Variants in PLEKHA7 observed in about 807,000 individuals in gnomAD.
PLEKHA7 encodes the protein pleckstrin homology domain-containing family A member 7.
In PLEKHA7, 104 loss-of-function variants were observed where a neutral mutation model predicts 170.0. That is an observed-to-expected ratio of 0.61 (90% CI 0.52 to 0.72). The LOEUF (loss-of-function observed/expected upper bound fraction) is 0.72. Ranked by LOEUF, PLEKHA7 falls within the 30% of genes least tolerant of loss-of-function variation. The pLI, the probability that PLEKHA7 is intolerant of heterozygous loss-of-function variation, is 0.00. For synonymous variants in PLEKHA7, 648 were observed against 660.8 expected (o/e 0.98, Z 0.30); for missense variants, 1,615 against 1,671.7 (o/e 0.97, Z 0.59).
At chr11:16,860,035 G>C (rs953764208) in intron 4 of PLEKHA7, among the ~76,000 whole-genome samples, 9 of 152,218 alleles carry the variant, frequency 5.9e-5, no homozygotes, top group African/African-American at 2.2e-4. Context: ...TTGCTGGAGG[G>C]ATGTGGGCTG....
Position 16,833,981 on chromosome 11 carries a change from T to TTATATATATATATATA in PLEKHA7, c.873-7392_873-7391insTATATATATATATATA, listed in dbSNP as rs10525520. ...GGTGGATCACCTGAGCTCAGGAGTTTTATATATAGATATATGTTTTTTGTT... is the reference window on the plus strand; with the variant it reads ...GGTGGATCACCTGAGCTCAGGAGTTTTATATATATATATATATATATATAGATATATGTTTTTTGTT... On this transcript the variant is annotated intron_variant, in intron 9 of 26. Coordinates refer to ENST00000531066, the MANE Select transcript of PLEKHA7 (RefSeq NM_001329630.2). Among the ~76,000 whole-genome samples, 1,301 of 151,196 alleles carry TTATATATATATATATA rather than the reference T, an allele frequency of 8.6e-3. 8 individuals carry two copies. The highest frequency in any genetic ancestry group is 0.025 in the East Asian group (127 of 5,060).
intron 4 of PLEKHA7, among the ~76,000 whole-genome samples, chr11:16,861,664 A>G (rs1196959905): frequency 6.6e-6 from 1 of 152,166 alleles, no homozygotes; most frequent in African/African-American, 2.4e-5. Context: ...TAAATAAATA[A>G]GTCATCAACA....
intron 10 of PLEKHA7, among the ~76,000 whole-genome samples, chr11:16,818,762 T>C (rs985115716): frequency 1.3e-5 from 2 of 151,722 alleles, no homozygotes; most frequent in African/African-American, 4.8e-5. Flanking sequence ...CTTCAAAAAC[T>C]AACACCAACT....
At chr11:16,796,652 AATTTACTT>A (rs1167724727) in intron 17 of PLEKHA7, among the ~76,000 whole-genome samples, 1 of 152,054 alleles carries the variant, frequency 6.6e-6, no homozygotes. Context: ...TAGAAGGGTG[AATTTACTT>A]ATTTACTTAT....
In PLEKHA7 at chr11:16,921,844, A is replaced by C. The variant is rs561453773; in HGVS notation, c.222-50662T>G. On this transcript the variant is annotated intron_variant, in intron 3 of 26. Transcript: ENST00000531066. ...ACAACTGTGTGAGGCAGGTTTTATT[A>C]TTCTCAAAGGACACTGGCTCAAAGA... Among the ~76,000 whole-genome samples, 27 of 152,374 alleles carry C rather than the reference A, an allele frequency of 1.8e-4. 1 individual carries two copies. The South Asian group carries it at 5.4e-3, about 30-fold the overall frequency.
chr11:16,901,675 C>T (rs940939262), intron 3 of PLEKHA7, among the ~76,000 whole-genome samples: 99 of 152,094 alleles, frequency 6.5e-4, no homozygotes, highest in African/African-American at 2.4e-3. Context: ...TCAAGCCCAG[C>T]CTGGACAACA....
chr11:16,964,070 T>C (rs1862225923), intron 3 of PLEKHA7, among the ~76,000 whole-genome samples: 1 of 152,234 alleles, frequency 6.6e-6, no homozygotes, highest in African/African-American at 2.4e-5. Context: ...TCATAGAATT[T>C]GTCCTTTGGT....
chr11:16,864,969 A>G (rs1263002891), intron 4 of PLEKHA7, among the ~76,000 whole-genome samples: 2 of 152,146 alleles, frequency 1.3e-5, no homozygotes, highest in Non-Finnish European at 2.9e-5. Flanking sequence ...TCCACTTGCT[A>G]GCCCTTCTTG....
intron 3 of PLEKHA7, among the ~76,000 whole-genome samples, chr11:16,960,210 T>C (rs940344710): frequency 1.3e-5 from 2 of 152,070 alleles, no homozygotes; most frequent in African/African-American, 4.8e-5. Flanking sequence ...CCAGAATGCA[T>C]AGCACCCCCA....
chr11:16,852,451 C>A, intron 6 of PLEKHA7, 96 bp from the exon 7 acceptor site: 1 of 954,990 alleles, frequency 1.0e-6, no homozygotes, highest in Non-Finnish European at 1.6e-6. Context: ...AATATTTGCC[C>A]ATATTCACTC....
At chr11:16,870,965 T>C in intron 4 of PLEKHA7, 134 bp downstream of exon 4, 1 of 582,606 alleles carries the variant, frequency 1.7e-6, no homozygotes, top group Non-Finnish European at 3.1e-6. Flanking sequence ...CTCATATTCC[T>C]GTTTGAATCA....
intron 3 of PLEKHA7, among the ~76,000 whole-genome samples, chr11:17,006,327 TAAA>T (rs751822590): frequency 4.7e-5 from 4 of 84,840 alleles, no homozygotes; most frequent in Admixed American, 2.5e-4. Context: ...AAACTCCATC[TAAA>T]AAAAAAAAAA....
chr11:16,981,170 C>T (rs1471594084), intron 3 of PLEKHA7, among the ~76,000 whole-genome samples: 1 of 152,090 alleles, frequency 6.6e-6, no homozygotes, highest in African/African-American at 2.4e-5. Context: ...AATGGAATAT[C>T]GATGACCAGG....
At chr11:17,000,513 T>C (rs542924911) in intron 3 of PLEKHA7, among the ~76,000 whole-genome samples, 1 of 152,270 alleles carries the variant, frequency 6.6e-6, no homozygotes, top group African/African-American at 2.4e-5. Flanking sequence ...TAAAGACAAG[T>C]CTCAACAAGG....
intron 9 of PLEKHA7, among the ~76,000 whole-genome samples, chr11:16,838,062 A>G (rs150179199): frequency 5.3e-4 from 80 of 152,360 alleles, no homozygotes; most frequent in African/African-American, 1.9e-3. Flanking sequence ...CAAATTCCAT[A>G]GCCTATCATC....
Position 16,824,666 on chromosome 11 carries a change from CT to C in PLEKHA7, c.1343+1453del, listed in dbSNP as rs1464656014. Among the ~76,000 whole-genome samples, 16 of 152,370 alleles carry C rather than the reference CT, an allele frequency of 1.1e-4. No individual in the cohort carries two copies. The East Asian group carries it at 2.3e-3, about 22-fold the overall frequency. On this transcript the variant is annotated intron_variant, in intron 10 of 26. Coordinates refer to ENST00000531066, the MANE Select transcript of PLEKHA7 (RefSeq NM_001329630.2). ...CTATTTCCATTGTCACCCTCCTGGA[CT>C]ACTGCAATAGCCTCCTTCCTAGGCT...
intron 4 of PLEKHA7, among the ~76,000 whole-genome samples, chr11:16,863,573 C>A (rs1854146857): frequency 6.6e-6 from 1 of 152,146 alleles, no homozygotes; most frequent in Admixed American, 6.6e-5. Context: ...TTGGCAGAGC[C>A]TGGGGATCGG....
Position 16,789,117 on chromosome 11 carries a change from C to T in PLEKHA7, c.3336G>A (p.Pro1112=), listed in dbSNP as rs1287600560. ...ATACTGAGCCAAGATCTCCAGGGAG[C>T]GGCCGGCTGAGGTAGCGAGATGAGG... is the stretch of plus-strand genomic sequence containing the variant. The part of the protein sequence containing the change: ...GLPSSRYLSR[P]LPGDLGSWKR... Residue 1112 remains proline, a synonymous_variant, in exon 23 of 27, where the codon CCG becomes CCA. Transcript: ENST00000531066. This position sits in a 1 kb window ranked among gnomAD's most constrained non-coding sequence, Gnocchi z 4.6. The T allele has an allele frequency of 5.6e-6, 9 of 1,605,264 alleles. No individual in the cohort carries two copies. The highest frequency in any genetic ancestry group is 2.2e-5 in the East Asian group (1 of 44,874).
Position 16,789,187 on chromosome 11 carries a change from C to G in PLEKHA7, c.3266G>C (p.Arg1089Pro). The change falls in exon 23 of 27, where the codon CGA (arginine) becomes CCA (proline). Residue 1089 changes from arginine to proline, a missense_variant. Arg to Pro is a moderately radical substitution (Grantham distance 103). Transcript: ENST00000531066. The surrounding 1 kb of genome is among the most constrained non-coding windows in gnomAD (Gnocchi z 4.6). ...RMKRHQKALV[R>P]ERKRTLGQGE... ...TTGGCCCAGTGTCCTCTTGCGCTCT[C>G]GGACCAGGGCCTTCTGGTGTCGCTT... 1 of 1,613,056 alleles carries G rather than the reference C, an allele frequency of 6.2e-7. No individual in the cohort carries two copies.
Sources: allele counts gnomAD v4.1 joint callset (sites outside exome capture counted in the v4.1 genomes callset), GRCh38; gene constraint gnomAD v4.1.1; non-coding constraint Gnocchi (gnomAD v3.1); transcripts MANE v1.5; gene names NCBI Gene and HGNC (gene_info 2026-07-23, HGNC 2026-07-21).